TTLL5: variants seen among roughly 807,000 people sequenced by gnomAD.
TTLL5 encodes the protein tubulin tyrosine ligase like 5.
TTLL5 carries 132 observed loss-of-function variants against 168.4 expected under a neutral mutation model. That is an observed-to-expected ratio of 0.78 (90% CI 0.68 to 0.91). The LOEUF is 0.91. TTLL5 is among the 40% of genes least tolerant of loss of function. The probability of loss-of-function intolerance (pLI) is 0.00; values close to 1 mark genes in which losing one functional copy is unlikely to be tolerated. For synonymous variants in TTLL5, 546 were observed against 558.6 expected, an observed-to-expected ratio of 0.98 and a Z score of 0.32; for missense variants, 1,545 against 1,581.5, an observed-to-expected ratio of 0.98 and a Z score of 0.39.
rs1045144091 is a variant in TTLL5 at position 75,719,619 on chromosome 14, C to A, written c.843-116C>A. 2.9e-5 allele frequency: 23 copies of A among 795,136 alleles called. No individual in the cohort carries two copies. The African/African-American group carries it at 4.0e-4, about 14-fold the overall frequency. The allele number at this position is 795,136 out of a possible 1,614,324, so 49.3% of individuals were successfully genotyped here. A position where few individuals can be genotyped will look rare whatever the true frequency, so the allele number is the denominator to read the frequency against. On this transcript the variant is annotated intron_variant, in intron 10 of 31. Transcript: ENST00000298832. ...GAAAAAATGAGTAACTGGAAGTCAG[C>A]AAAGTGAATTAAAAAAAAAACTTTT...
chr14:75,938,984 G>A (rs767717799), intron 31 of TTLL5, among the ~76,000 whole-genome samples: 1 of 152,206 alleles, frequency 6.6e-6, no homozygotes, highest in Non-Finnish European at 1.5e-5. Flanking sequence ...TTAACGGGTC[G>A]CAACCAGGCT....
chr14:75,744,926 C>T (rs541651300), intron 15 of TTLL5, among the ~76,000 whole-genome samples, 169 bp from the exon 16 acceptor site: 6 of 152,178 alleles, frequency 3.9e-5, no homozygotes, highest in Admixed American at 6.5e-5. Flanking sequence ...TATTAGCTTT[C>T]GTCTGTTTTC....
chr14:75,760,708 A>G (rs1454519895), intron 18 of TTLL5, among the ~76,000 whole-genome samples: 2 of 152,092 alleles, frequency 1.3e-5, no homozygotes, highest in African/African-American at 4.8e-5. Flanking sequence ...TGAGGATGGA[A>G]CAACTGAATA....
intron 12 of TTLL5, among the ~76,000 whole-genome samples, chr14:75,731,307 A>C (rs1888518010): frequency 6.6e-6 from 1 of 151,766 alleles, no homozygotes; most frequent in Admixed American, 6.6e-5. Context: ...TTTGAGGGTC[A>C]CAGGATGGGA....
intron 21 of TTLL5, among the ~76,000 whole-genome samples, chr14:75,773,376 A>G (rs1214673308): frequency 6.6e-6 from 1 of 152,152 alleles, no homozygotes; most frequent in African/African-American, 2.4e-5. Context: ...ATGAAATTCA[A>G]CCCTCTGGTT....
chr14:75,686,073 C>T (rs1207508047), intron 5 of TTLL5, among the ~76,000 whole-genome samples: 2 of 152,084 alleles, frequency 1.3e-5, no homozygotes, highest in Admixed American at 6.6e-5. Flanking sequence ...TTTGTGGTAC[C>T]TAGATTTGCC....
intron 17 of TTLL5, among the ~76,000 whole-genome samples, chr14:75,749,844 G>C (rs1459999848): frequency 6.6e-6 from 1 of 151,814 alleles, no homozygotes; most frequent in African/African-American, 2.4e-5. Context: ...TTGGTTCTTT[G>C]GTGTATAAAA....
At chr14:75,914,033 A>AAAAAATATATATATATATATAT in intron 31 of TTLL5, among the ~76,000 whole-genome samples, 20 of 71,076 alleles carry the variant, frequency 2.8e-4, no homozygotes, top group East Asian at 4.4e-4. Context: ...AAAAAAAAAA[A>AAAAAATATATATATATATATAT]ATATATATAT....
At chr14:75,785,718 A>G (rs1892328069) in intron 26 of TTLL5, among the ~76,000 whole-genome samples, 1 of 152,204 alleles carries the variant, frequency 6.6e-6, no homozygotes, top group Non-Finnish European at 1.5e-5. Flanking sequence ...GTTTTATTCC[A>G]TTGATCTATA....
intron 7 of TTLL5, among the ~76,000 whole-genome samples, chr14:75,703,152 G>A (rs1886403281): frequency 6.6e-6 from 1 of 152,232 alleles, no homozygotes; most frequent in African/African-American, 2.4e-5. Flanking sequence ...GAGAGGGAAT[G>A]CTGAGGCAGA....
intron 18 of TTLL5, among the ~76,000 whole-genome samples, chr14:75,759,341 T>A (rs1277721197): frequency 6.6e-6 from 1 of 152,144 alleles, no homozygotes; most frequent in Non-Finnish European, 1.5e-5. Flanking sequence ...CCAGCTGAAG[T>A]AGAAATTTTG....
intron 26 of TTLL5, among the ~76,000 whole-genome samples, chr14:75,786,944 C>A (rs985424742): frequency 2.6e-5 from 4 of 152,076 alleles, no homozygotes; most frequent in Non-Finnish European, 1.5e-5. Flanking sequence ...ACCAGCCTGG[C>A]CAACATGGTA....
intron 27 of TTLL5, among the ~76,000 whole-genome samples, chr14:75,812,212 G>A (rs1305588653): frequency 6.6e-6 from 1 of 152,198 alleles, no homozygotes; most frequent in African/African-American, 2.4e-5. Context: ...GAGAGTGGGA[G>A]CAGAGGAAGA....
At chr14:75,771,254 C>T (rs140914274) in intron 20 of TTLL5, among the ~76,000 whole-genome samples, 1,970 of 152,184 alleles carry the variant, frequency 0.013, 19 homozygotes, top group Non-Finnish European at 0.021. Context: ...TGGTGAAACC[C>T]CGTCTCTACT....
intron 31 of TTLL5, among the ~76,000 whole-genome samples, chr14:75,914,441 C>T (rs1211062499): frequency 6.6e-6 from 1 of 151,904 alleles, no homozygotes; most frequent in Non-Finnish European, 1.5e-5. Flanking sequence ...AAGTCAAATG[C>T]CTAACCTCAG....
At chr14:75,876,302 C>T (rs955515892) in intron 29 of TTLL5, among the ~76,000 whole-genome samples, 1 of 152,230 alleles carries the variant, frequency 6.6e-6, no homozygotes, top group Non-Finnish European at 1.5e-5. Context: ...TAATTATCTT[C>T]ATTGCTTCTT....
chr14:75,812,998 A>T (rs1176713372), intron 27 of TTLL5, among the ~76,000 whole-genome samples: 1 of 152,214 alleles, frequency 6.6e-6, no homozygotes. Flanking sequence ...GTGAGATAAC[A>T]CAGTGATTAA....
chr14:75,752,951 G>A lies in TTLL5; in HGVS notation c.1546G>A (p.Asp516Asn). The change falls in exon 18 of 32, where the codon GAC (aspartate) becomes AAC (asparagine). Residue 516 changes from aspartate (D) to asparagine (N), a missense_variant. Coordinates refer to ENST00000298832, the MANE Select transcript of TTLL5 (RefSeq NM_015072.5). ...NYMLATRLFQ[D>N]RMTADGAPEL... is the part of the protein sequence containing the mutation. Reference sequence around the variant, plus strand: ...TATGCTGGCAACACGCCTCTTCCAGGACAGGTAGAGATTTGCTAAACTTTA... The same window carrying A: ...TATGCTGGCAACACGCCTCTTCCAGAACAGGTAGAGATTTGCTAAACTTTA... 1 of 1,612,376 alleles carries A rather than the reference G, an allele frequency of 6.2e-7. No individual in the cohort carries two copies. Among genetic ancestry groups the A allele is most frequent in the Non-Finnish European group, 8.5e-7 (1 of 1,178,934 alleles).
chr14:75,695,316 G>T (rs967166323), intron 6 of TTLL5, among the ~76,000 whole-genome samples: 1 of 152,176 alleles, frequency 6.6e-6, no homozygotes, highest in Non-Finnish European at 1.5e-5. Context: ...TAGTCAGACT[G>T]GTTGTCTGCT....
Sources: allele counts gnomAD v4.1 joint callset (sites outside exome capture counted in the v4.1 genomes callset), GRCh38; gene constraint gnomAD v4.1.1; transcripts MANE v1.5; gene names NCBI Gene and HGNC (gene_info 2026-07-23, HGNC 2026-07-21).